Variants in NCKAP5 observed in about 807,000 individuals in gnomAD.
The protein encoded by NCKAP5 is NCK associated protein 5.
A neutral mutation model predicts 167.0 loss-of-function variants in NCKAP5; 92 were observed. The ratio of observed to expected loss-of-function variants is 0.55; its 90% CI spans 0.47 to 0.66. NCKAP5 has a LOEUF of 0.66. Ranked by LOEUF, NCKAP5 falls within the 30% of genes least tolerant of loss-of-function variation. The pLI, the probability that NCKAP5 is intolerant of heterozygous loss-of-function variation, is 0.00. For missense variants in NCKAP5, 2,378 were observed against 2,315.0 expected (o/e 1.03, Z -0.56); for synonymous variants, 891 against 877.4 (o/e 1.02, Z -0.27).
intron 6 of NCKAP5, among the ~76,000 whole-genome samples, chr2:133,093,007 A>G (rs985598326): frequency 1.3e-5 from 2 of 152,222 alleles, no homozygotes; most frequent in African/African-American, 4.8e-5. Context: ...TTCTAGTTAC[A>G]TGCTGAGCTC....
chr2:133,409,414 T>C (rs906290848), intron 3 of NCKAP5, among the ~76,000 whole-genome samples: 2 of 152,200 alleles, frequency 1.3e-5, no homozygotes, highest in Non-Finnish European at 2.9e-5. Context: ...TAAAACTCTT[T>C]GTAGCAATGC....
chr2:133,113,830 G>A (rs1265107182), intron 6 of NCKAP5, among the ~76,000 whole-genome samples: 1 of 152,212 alleles, frequency 6.6e-6, no homozygotes, highest in East Asian at 1.9e-4. Flanking sequence ...ATGGGAACAT[G>A]GAGCTGGGGG....
At chr2:133,545,513 TAC>T (rs1422160995) in intron 2 of NCKAP5, among the ~76,000 whole-genome samples, 1 of 152,144 alleles carries the variant, frequency 6.6e-6, no homozygotes, top group African/African-American at 2.4e-5. Context: ...AGCATCATGA[TAC>T]AGAGTTTGAT....
At chr2:133,397,597 T>C (rs1050992466) in intron 3 of NCKAP5, among the ~76,000 whole-genome samples, 1 of 152,218 alleles carries the variant, frequency 6.6e-6, no homozygotes, top group Non-Finnish European at 1.5e-5. Context: ...GACACAGATG[T>C]GTTTTGCGGA....
At chr2:133,670,784 A>G in the NCKAP5 span, among the ~76,000 whole-genome samples, 5 of 152,174 alleles carry the variant, frequency 3.3e-5, no homozygotes, top group African/African-American at 4.8e-5. Context: ...GAGGCCCCCT[A>G]TAGTGGGATT....
At chr2:133,105,755 T>A (rs1276996598) in intron 6 of NCKAP5, among the ~76,000 whole-genome samples, 1 of 152,164 alleles carries the variant, frequency 6.6e-6, no homozygotes, top group East Asian at 1.9e-4. Context: ...AAGGAGCAAA[T>A]GGGCAGAGGG....
chr2:132,770,705 CAT>C (rs965712761), intron 16 of NCKAP5, among the ~76,000 whole-genome samples: 1 of 152,080 alleles, frequency 6.6e-6, no homozygotes, highest in African/African-American at 2.4e-5. Context: ...ATAAAGAACA[CAT>C]ATGTTTGTGT....
At chr2:133,003,922 A>T (rs1417443628) in intron 6 of NCKAP5, among the ~76,000 whole-genome samples, 1 of 152,202 alleles carries the variant, frequency 6.6e-6, no homozygotes, top group African/African-American at 2.4e-5. Context: ...TTGGGGAGCT[A>T]ACTGCACGGA....
the NCKAP5 span, among the ~76,000 whole-genome samples, chr2:133,641,100 C>T: frequency 6.6e-6 from 1 of 152,188 alleles, no homozygotes; most frequent in African/African-American, 2.4e-5. Context: ...TTTGGAGGTT[C>T]TCTGGCATTC....
At chr2:133,284,502 C>T (rs2090037990) in intron 4 of NCKAP5, among the ~76,000 whole-genome samples, 1 of 152,200 alleles carries the variant, frequency 6.6e-6, no homozygotes, top group Non-Finnish European at 1.5e-5. Context: ...CTGCCAAAGA[C>T]AGATGGCACG....
rs546711552 is a variant in NCKAP5 at position 133,394,332 on chromosome 2, T to G, written c.70-91222A>C. ...TTGGGAGTATGGTAGGCCAAATGCA[T>G]GGAAGCATCTAGCGAGTCCCCTGTC... On this transcript the variant is annotated intron_variant, in intron 3 of 19. Transcript: ENST00000409261. Among the ~76,000 whole-genome samples the G allele has an allele frequency of 4.6e-5, 7 of 152,254 alleles. No homozygotes were observed. In the East Asian group the frequency reaches 1.4e-3, roughly 29 times the overall value.
intron 3 of NCKAP5, among the ~76,000 whole-genome samples, chr2:133,476,596 T>C (rs1679924888): frequency 6.6e-6 from 1 of 152,204 alleles, no homozygotes; most frequent in African/African-American, 2.4e-5. Flanking sequence ...CTAATCTCCA[T>C]GCTTTTAATT....
At chr2:133,584,247 T>C in the NCKAP5 span, among the ~76,000 whole-genome samples, 2 of 152,238 alleles carry the variant, frequency 1.3e-5, no homozygotes, top group East Asian at 3.9e-4. Flanking sequence ...TAAAAAATAT[T>C]CTCTTAAGAA....
At position 132,781,148 on chromosome 2, in the gene NCKAP5, C is replaced by A; in HGVS notation, c.4953G>T (p.Gln1651His). 6.2e-7 allele frequency: 1 copy of A among 1,613,872 alleles called. No individual in the cohort carries two copies. Among genetic ancestry groups the A allele is most frequent in the Non-Finnish European group, 8.5e-7 (1 of 1,179,852 alleles). Residue 1651 changes from glutamine to histidine, a missense_variant, in exon 15 of 20, where the codon CAG (glutamine) becomes CAT (histidine). Coordinates refer to ENST00000409261, the MANE Select transcript of NCKAP5 (RefSeq NM_207363.3). Reference sequence around the variant, plus strand: ...TAGAGCTGCCGATGAGACAGGAGCCCTGAGAACTGCCCTTTAACACATTCC... The same window carrying A: ...TAGAGCTGCCGATGAGACAGGAGCCATGAGAACTGCCCTTTAACACATTCC... ...SCRNVLKGSS[Q>H]GSCLIGSSIS...
chr2:132,875,589 G>A (rs890365969), intron 9 of NCKAP5, among the ~76,000 whole-genome samples: 3 of 152,172 alleles, frequency 2.0e-5, no homozygotes, highest in Admixed American at 2.0e-4. Context: ...GCCATGCAGT[G>A]GTTTTGGATG....
At chr2:133,647,440 A>C in the NCKAP5 span, among the ~76,000 whole-genome samples, 2 of 137,462 alleles carry the variant, frequency 1.5e-5, no homozygotes, top group East Asian at 4.4e-4. Flanking sequence ...GAAGAAAGAA[A>C]GAAAGAAAGA....
chr2:133,316,719 C>T (rs1236207503), intron 3 of NCKAP5, among the ~76,000 whole-genome samples: 3 of 152,134 alleles, frequency 2.0e-5, no homozygotes, highest in Admixed American at 6.5e-5. Flanking sequence ...CCTCTACTGC[C>T]GCTGGGTGGG....
intron 19 of NCKAP5, among the ~76,000 whole-genome samples, chr2:132,702,763 T>C (rs1018743049): frequency 6.6e-5 from 10 of 152,216 alleles, no homozygotes; most frequent in Non-Finnish European, 1.3e-4. Flanking sequence ...TTCAGGTTAC[T>C]GTTTGGCTGT....
chr2:133,345,021 C>T (rs1683867997), intron 3 of NCKAP5, among the ~76,000 whole-genome samples: 2 of 152,062 alleles, frequency 1.3e-5, no homozygotes, highest in Admixed American at 1.3e-4. Context: ...GAACCAATGC[C>T]TTAGAGAATA....
Sources: gnomAD v4.1 joint callset for allele counts (sites outside exome capture counted in the v4.1 genomes callset) on GRCh38, gnomAD v4.1.1 for gene constraint, MANE v1.5 for transcripts, NCBI Gene and HGNC (gene_info 2026-07-23, HGNC 2026-07-21) for gene names.